SRSF11: variants seen among roughly 807,000 people sequenced by gnomAD.
SRSF11 encodes serine and arginine rich splicing factor 11.
Under a neutral mutation model 56.0 loss-of-function variants are expected in SRSF11, and 9 were observed. The ratio of observed to expected loss-of-function variants is 0.16; its 90% CI spans 0.10 to 0.28. The LOEUF (loss-of-function observed/expected upper bound fraction) is 0.28. SRSF11 is among the 10% of genes least tolerant of loss of function. The pLI is 1.00. For missense variants in SRSF11, 421 were observed against 600.7 expected (o/e 0.70, Z 3.13); for synonymous variants, 222 against 215.3 (o/e 1.03, Z -0.27).
chr1:70,243,571 G>A (rs1349418333), intron 7 of SRSF11, among the ~76,000 whole-genome samples: 1 of 152,012 alleles, frequency 6.6e-6, no homozygotes, highest in Non-Finnish European at 1.5e-5. Context: ...AAGTTACCTG[G>A]CTTATAAATG....
At chr1:70,240,946 A>G (rs2100889210) in intron 7 of SRSF11, among the ~76,000 whole-genome samples, 1 of 151,284 alleles carries the variant, frequency 6.6e-6, no homozygotes, top group East Asian at 2.0e-4. Context: ...CTGATTTTGT[A>G]TTTTTAGTAG....
rs1670636999 is a variant in SRSF11 at position 70,221,600 on chromosome 1, G to C, written c.-37G>C. ...CCTTCTCACTGTTTGTTGTGTGTTT[G>C]ATGTGTTAAAGCAGGAGCGAGAACC... On this transcript the variant is annotated 5_prime_UTR_variant, in exon 1 of 12. Coordinates refer to ENST00000370949, the MANE Select transcript of SRSF11 (RefSeq NM_001350605.2). 6.3e-7 allele frequency: 1 copy of C among 1,583,294 alleles called. No individual in the cohort carries two copies. Among genetic ancestry groups the C allele is most frequent in the African/African-American group, 1.4e-5 (1 of 74,064 alleles).
chr1:70,220,477 G>A (rs1294359695), upstream of SRSF11, among the ~76,000 whole-genome samples: 1 of 152,194 alleles, frequency 6.6e-6, no homozygotes, highest in Non-Finnish European at 1.5e-5. Context: ...AGTTTTTCTT[G>A]AGAAATTGCA....
chr1:70,236,447 T>C (rs537535947), intron 5 of SRSF11, among the ~76,000 whole-genome samples: 65 of 151,730 alleles, frequency 4.3e-4, no homozygotes, highest in African/African-American at 1.5e-3. Flanking sequence ...TCTTTTGCCT[T>C]AGCCTCCCAA....
chr1:70,244,616 T>TA (rs1676316330), intron 7 of SRSF11, 68 bp from the exon 8 acceptor site: 1 of 1,540,558 alleles, frequency 6.5e-7, no homozygotes, highest in Non-Finnish European at 8.8e-7. Context: ...TTTTGTCTGA[T>TA]ACTAAGCACA....
chr1:70,244,706 C>T lies in SRSF11; in HGVS notation c.823C>T (p.Arg275Trp), dbSNP rs1467385296. Residue 275 changes from arginine to tryptophan, a missense_variant, in exon 8 of 12, where the codon CGG becomes TGG. Coordinates refer to ENST00000370949, the MANE Select transcript of SRSF11 (RefSeq NM_001350605.2). ...TAGGCGGTCAAGAAGCAGATCGAGA[C>T]GGCGGTCACATTCTAAGTCTAGGAG... ...RHRRSRSRSR[R>W]RSHSKSRSRR... The T allele has an allele frequency of 1.5e-5, 24 of 1,613,964 alleles. No homozygotes were observed. Among genetic ancestry groups the T allele is most frequent in the African/African-American group, 2.7e-5 (2 of 75,016 alleles).
chr1:70,236,821 T>G (rs1212147189), intron 5 of SRSF11, among the ~76,000 whole-genome samples: 3 of 144,402 alleles, frequency 2.1e-5, no homozygotes, highest in Admixed American at 6.9e-5. Context: ...TTTTTTTTTT[T>G]GAGACGAAAT....
chr1:70,207,351 G>A (rs1275663645), intron 1 of SRSF11, among the ~76,000 whole-genome samples: 2 of 152,096 alleles, frequency 1.3e-5, no homozygotes, highest in Admixed American at 6.6e-5. Flanking sequence ...TTAACACAGT[G>A]ACTAATTTTG....
chr1:70,250,941 T>A lies in SRSF11; in HGVS notation c.*136T>A, dbSNP rs775641690. 1.8e-4 allele frequency: 128 copies of A among 719,350 alleles called. No individual in the cohort carries two copies. Among genetic ancestry groups the A allele is most frequent in the Non-Finnish European group, 2.6e-4 (117 of 442,756 alleles). The allele number at this position is 719,350 out of a possible 1,614,324, so 44.6% of individuals were successfully genotyped here. On this transcript the variant is annotated 3_prime_UTR_variant, in exon 12 of 12. Transcript: ENST00000370949. ...TTATAAATGGTTATAAAGCTCCTGT[T>A]ACTCATATTAGTTATTTACATCAAA... is the stretch of plus-strand genomic sequence containing the variant.
intron 2 of SRSF11, chr1:70,229,996 T>C: frequency 1.0e-6 from 1 of 985,346 alleles, no homozygotes; most frequent in Non-Finnish European, 1.2e-6. Context: ...TTTACAGAAT[T>C]CAAATTCAGG....
At chr1:70,229,384 A>G in intron 2 of SRSF11, 8 of 1,104,504 alleles carry the variant, frequency 7.2e-6, no homozygotes, top group Non-Finnish European at 9.0e-6. Context: ...TTAGGCTGTT[A>G]AAGTAATTTG....
intron 2 of SRSF11, chr1:70,229,886 G>C: frequency 1.0e-6 from 1 of 985,252 alleles, no homozygotes; most frequent in Non-Finnish European, 1.2e-6. Flanking sequence ...TTAAGGTTTT[G>C]TAATGTATAG....
In SRSF11 at chr1:70,234,725, G is replaced by T. The variant is rs762243868; in HGVS notation, c.477G>T (p.Gly159=). The T allele has an allele frequency of 6.2e-6, 10 of 1,607,948 alleles. No individual in the cohort carries two copies. The East Asian group carries it at 2.2e-4, about 36-fold the overall frequency. The change falls in exon 4 of 12, where the codon GGG becomes GGT. Residue 159 remains glycine, a synonymous_variant. Transcript: ENST00000370949. ...QIGAVPLAAL[G]APTLDPALAA... ...GCGCTGTTCCACTGGCTGCTTTGGG[G>T]GCTCCTACTCTTGATCCTGCCCTTG...
Position 70,228,272 on chromosome 1 carries a change from A to T in SRSF11, c.204-150A>T. 6 of 582,514 alleles carry T rather than the reference A, an allele frequency of 1.0e-5. 1 individual carries two copies. In the South Asian group the frequency reaches 1.4e-4, roughly 13 times the overall value. The allele number at this position is 582,514 out of a possible 1,614,324, so 36.1% of individuals were successfully genotyped here. On this transcript the variant is annotated intron_variant, in intron 1 of 11. Transcript: ENST00000370949. ...ACATTATTTCAGTGAACAGTATATG[A>T]TTGAGAATGTTTTCTTTTGAATTTA...
chr1:70,243,504 G>A (rs187928794), intron 7 of SRSF11, among the ~76,000 whole-genome samples: 56 of 152,192 alleles, frequency 3.7e-4, no homozygotes, highest in Middle Eastern at 6.8e-3. Context: ...GGTGATAGAG[G>A]TGTTACTATC....
chr1:70,205,979 C>A (rs1291832890), intron 1 of SRSF11, among the ~76,000 whole-genome samples: 1 of 152,144 alleles, frequency 6.6e-6, no homozygotes, highest in African/African-American at 2.4e-5. Context: ...GTTTCTGGAC[C>A]CCAGCCTGTG....
chr1:70,223,674 G>A (rs1054849036), intron 1 of SRSF11, among the ~76,000 whole-genome samples: 50 of 152,262 alleles, frequency 3.3e-4, no homozygotes, highest in African/African-American at 1.2e-3. Flanking sequence ...TAAGTTAAAT[G>A]TTATTAGTGG....
At chr1:70,244,548 A>G in intron 7 of SRSF11, 136 bp from the exon 8 acceptor site, 1 of 933,870 alleles carries the variant, frequency 1.1e-6, no homozygotes. Context: ...TGGGCTAAAT[A>G]ATAGCAAATG....
At chr1:70,218,766 A>G (rs1354524008), upstream of SRSF11, 2 of 152,224 alleles carry the variant, frequency 1.3e-5, no homozygotes, top group Non-Finnish European at 2.9e-5. Flanking sequence ...GTCTGATTCA[A>G]AATGAGAAAA....
Sources: gnomAD v4.1 joint callset for allele counts (sites outside exome capture counted in the v4.1 genomes callset) on GRCh38, gnomAD v4.1.1 for gene constraint, MANE v1.5 for transcripts, NCBI Gene and HGNC (gene_info 2026-07-23, HGNC 2026-07-21) for gene names.